Variants in NLGN1 observed in about 807,000 individuals in gnomAD.
NLGN1 encodes the protein neuroligin 1.
NLGN1 carries 12 observed loss-of-function variants against 65.5 expected under a neutral mutation model. That is an observed-to-expected ratio of 0.18 (90% CI 0.12 to 0.30). The LOEUF (loss-of-function observed/expected upper bound fraction) is 0.30. Ranked by LOEUF, NLGN1 falls within the 10% of genes least tolerant of loss-of-function variation. The probability of loss-of-function intolerance (pLI) is 1.00; values close to 1 mark genes in which losing one functional copy is unlikely to be tolerated. For synonymous variants in NLGN1, 350 were observed against 359.5 expected (o/e 0.97, Z 0.30); for missense variants, 750 against 1,007.1 (o/e 0.74, Z 3.46).
intron 4 of NLGN1, among the ~76,000 whole-genome samples, chr3:173,885,564 A>G (rs1176063360): frequency 1.3e-5 from 2 of 152,140 alleles, no homozygotes; most frequent in East Asian, 3.8e-4. Context: ...ATATATTGCT[A>G]TATTAAATAT....
intron 2 of NLGN1, among the ~76,000 whole-genome samples, chr3:173,467,216 T>C (rs951093084): frequency 5.9e-5 from 9 of 152,102 alleles, no homozygotes; most frequent in African/African-American, 2.2e-4. Context: ...TTAAATATTC[T>C]GTAAATGTAT....
intron 5 of NLGN1, among the ~76,000 whole-genome samples, chr3:174,276,174 C>G (rs1327271571): frequency 6.6e-6 from 1 of 151,836 alleles, no homozygotes; most frequent in Non-Finnish European, 1.5e-5. Context: ...GGCAAGGCAG[C>G]ATGGAGTATT....
At chr3:174,022,984 A>G (rs1011118276) in intron 4 of NLGN1, among the ~76,000 whole-genome samples, 1 of 152,178 alleles carries the variant, frequency 6.6e-6, no homozygotes, top group Non-Finnish European at 1.5e-5. Context: ...TTATACTTCA[A>G]TACAATTTTA....
intron 4 of NLGN1, among the ~76,000 whole-genome samples, chr3:173,963,354 A>C (rs1430865919): frequency 6.6e-6 from 1 of 152,218 alleles, no homozygotes; most frequent in African/African-American, 2.4e-5. Context: ...CATGTGCCTC[A>C]GATGACATGG....
At chr3:173,671,857 C>T (rs554879215) in intron 3 of NLGN1, among the ~76,000 whole-genome samples, 6 of 152,130 alleles carry the variant, frequency 3.9e-5, no homozygotes, top group South Asian at 4.1e-4. Context: ...ATGAGTACTT[C>T]GTGCTCATAA....
At chr3:174,194,783 C>T (rs1733068063) in intron 4 of NLGN1, among the ~76,000 whole-genome samples, 1 of 129,958 alleles carries the variant, frequency 7.7e-6, no homozygotes, top group Admixed American at 7.7e-5. Context: ...ATAACCTATT[C>T]ACTAAAAAAA....
intron 2 of NLGN1, among the ~76,000 whole-genome samples, chr3:173,536,013 A>T (rs1737377537): frequency 6.6e-6 from 1 of 152,224 alleles, no homozygotes; most frequent in Non-Finnish European, 1.5e-5. Flanking sequence ...AAAGCACAGC[A>T]TCAGGGAGTG....
chr3:174,249,764 T>G (rs1744447104), intron 4 of NLGN1, among the ~76,000 whole-genome samples: 1 of 152,240 alleles, frequency 6.6e-6, no homozygotes, highest in South Asian at 2.1e-4. Context: ...TTGAGTTATG[T>G]TTAAAACCAG....
At chr3:173,836,878 C>A (rs1723722043) in intron 4 of NLGN1, among the ~76,000 whole-genome samples, 2 of 152,168 alleles carry the variant, frequency 1.3e-5, no homozygotes, top group East Asian at 1.9e-4. Flanking sequence ...CTAAGGCCAT[C>A]AACAAAATGA....
At chr3:173,798,199 G>A (rs986920238) in intron 3 of NLGN1, among the ~76,000 whole-genome samples, 2 of 152,194 alleles carry the variant, frequency 1.3e-5, no homozygotes, top group Admixed American at 6.6e-5. Flanking sequence ...CAAGAATTAA[G>A]CAAATTAAGT....
intron 3 of NLGN1, among the ~76,000 whole-genome samples, chr3:173,676,298 A>G (rs1046184550): frequency 1.3e-5 from 2 of 152,104 alleles, no homozygotes; most frequent in Non-Finnish European, 2.9e-5. Flanking sequence ...GATCAACGGG[A>G]CTGGAGGTCA....
intron 3 of NLGN1, among the ~76,000 whole-genome samples, chr3:173,667,855 A>T (rs1424087276): frequency 2.0e-5 from 3 of 151,810 alleles, no homozygotes; most frequent in Admixed American, 6.6e-5. Context: ...CTGGTCTCGA[A>T]CTCCTGACCT....
chr3:173,904,824 C>A (rs1048148166), intron 4 of NLGN1, among the ~76,000 whole-genome samples: 6 of 152,100 alleles, frequency 3.9e-5, no homozygotes, highest in Non-Finnish European at 8.8e-5. Context: ...AGATACAGAA[C>A]AAGAACAAGT....
intron 4 of NLGN1, among the ~76,000 whole-genome samples, chr3:173,864,098 C>T (rs1293056313): frequency 6.6e-6 from 1 of 152,160 alleles, no homozygotes; most frequent in Non-Finnish European, 1.5e-5. Flanking sequence ...CAACTGTCAA[C>T]CCAATAATGG....
intron 3 of NLGN1, among the ~76,000 whole-genome samples, chr3:173,764,588 A>G (rs1237149881): frequency 6.6e-6 from 1 of 152,204 alleles, no homozygotes; most frequent in East Asian, 1.9e-4. Context: ...TCAGATGCCA[A>G]TAACAGATTG....
At chr3:174,039,559 C>G (rs1485037220) in intron 4 of NLGN1, among the ~76,000 whole-genome samples, 2 of 152,112 alleles carry the variant, frequency 1.3e-5, no homozygotes, top group African/African-American at 4.8e-5. Flanking sequence ...CATTGGCTCT[C>G]CATGATTTTT....
intron 4 of NLGN1, among the ~76,000 whole-genome samples, chr3:173,828,925 C>CT (rs1721912339): frequency 7.1e-6 from 1 of 141,262 alleles, no homozygotes; most frequent in East Asian, 2.1e-4. Flanking sequence ...GAATTTGTTG[C>CT]TTTTTGGGGG....
chr3:174,060,564 C>G (rs1417653317), intron 4 of NLGN1, among the ~76,000 whole-genome samples: 1 of 152,048 alleles, frequency 6.6e-6, no homozygotes, highest in African/African-American at 2.4e-5. Context: ...ATCAAGCTCT[C>G]CCTACCTCTC....
chr3:173,651,015 T>C (rs1759085104), intron 3 of NLGN1, among the ~76,000 whole-genome samples: 1 of 152,050 alleles, frequency 6.6e-6, no homozygotes, highest in Non-Finnish European at 1.5e-5. Context: ...TCTGGGCTTT[T>C]AATGTAAGCC....
Sources: gnomAD v4.1 joint callset for allele counts (sites outside exome capture counted in the v4.1 genomes callset) on GRCh38, gnomAD v4.1.1 for gene constraint, MANE v1.5 for transcripts, NCBI Gene and HGNC (gene_info 2026-07-23, HGNC 2026-07-21) for gene names.